APOL6: variants seen among roughly 807,000 people sequenced by gnomAD.
The protein encoded by APOL6 is apolipoprotein L6, also known as apolipoprotein L, 6.
APOL6 carries 1 observed loss-of-function variant against 2.4 expected under a neutral mutation model. The observed-to-expected ratio is 0.41, with a 90% CI of 0.15 to 1.94. The LOEUF is 1.94. Among genes scored for constraint, APOL6 ranks in the 30% most tolerant of loss-of-function variants. The pLI is 0.30. For synonymous variants in APOL6, 189 were observed against 169.3 expected, an observed-to-expected ratio of 1.12 and a Z score of -0.90; for missense variants, 438 against 429.2, an observed-to-expected ratio of 1.02 and a Z score of -0.18.
Position 35,658,987 on chromosome 22 carries a change from G to T in APOL6, c.423G>T (p.Arg141=), listed in dbSNP as rs1924930413. The T allele has an allele frequency of 1.2e-6, 2 of 1,613,800 alleles. No homozygotes were observed. Among genetic ancestry groups the T allele is most frequent in the African/African-American group, 1.3e-5 (1 of 74,924 alleles). ...CCAAAAATAAAGAAGCCCAAGCACG[G>T]GCGGAAGACATACTGCCCACCTACG... ...ERSKNKEAQA[R]AEDILPTYDQ... The change falls in exon 3 of 3, where the codon CGG becomes CGT. Residue 141 remains arginine, a synonymous_variant. Transcript: ENST00000409652.
At chr22:35,651,229 G>C (rs891252480) in intron 1 of APOL6, among the ~76,000 whole-genome samples, 6 of 152,158 alleles carry the variant, frequency 3.9e-5, no homozygotes, top group African/African-American at 1.2e-4. Flanking sequence ...AGTTCTGGAG[G>C]CTGGAAGTCA....
At chr22:35,658,483 A>G (rs992041065) in intron 2 of APOL6, 132 bp from the exon 3 acceptor site, 3 of 785,094 alleles carry the variant, frequency 3.8e-6, no homozygotes, top group Non-Finnish European at 6.0e-6. Context: ...ACAATGCTCT[A>G]GGACTTTTCA....
At chr22:35,649,813 C>A (rs1273993543) in intron 1 of APOL6, among the ~76,000 whole-genome samples, 1 of 152,184 alleles carries the variant, frequency 6.6e-6, no homozygotes, top group Non-Finnish European at 1.5e-5. Context: ...TTACCCCCAG[C>A]AACCTTGTCA....
At position 35,659,384 on chromosome 22, in the gene APOL6, A is replaced by T; in HGVS notation, c.820A>T (p.Lys274Ter). 6.2e-7 allele frequency: 1 copy of T among 1,614,200 alleles called. No homozygotes were observed. The highest frequency in any genetic ancestry group is 8.5e-7 in the Non-Finnish European group (1 of 1,180,036). ...RTKFAEELRA[K>*]ALELERKLTE... ...AAAGTTTGCGGAAGAGTTGAGAGCC[A>T]AGGCCTTGGAGCTGGAGAGGAAACT... Residue 274 changes from lysine (K) to a stop codon, truncating the protein, a stop_gained, in exon 3 of 3, where the codon AAG becomes TAG. Transcript: ENST00000409652. LOFTEE classifies it low-confidence loss of function (END_TRUNC).
rs1925124160 is a variant in APOL6 at position 35,664,708 on chromosome 22, A to G, written c.*5112A>G. On this transcript the variant is annotated 3_prime_UTR_variant, in exon 3 of 3. Transcript: ENST00000409652. ...TGGACATAATTTAGAATATAAAGTC[A>G]TATTAAATTAAATAATAGATAATTT... The G allele has an allele frequency of 6.6e-6, 1 of 152,158 alleles. No individual in the cohort carries two copies. The allele number at this position is 152,158 out of a possible 1,614,324, so 9.4% of individuals were successfully genotyped here.
chr22:35,656,960 T>C (rs1472800311), intron 2 of APOL6, among the ~76,000 whole-genome samples: 1 of 152,248 alleles, frequency 6.6e-6, no homozygotes, highest in Non-Finnish European at 1.5e-5. Flanking sequence ...ATGTGTAATA[T>C]GTCATGGAAC....
At chr22:35,657,176 C>G (rs574474857) in intron 2 of APOL6, among the ~76,000 whole-genome samples, 7 of 152,182 alleles carry the variant, frequency 4.6e-5, no homozygotes, top group Admixed American at 6.5e-5. Flanking sequence ...TATCTATTTG[C>G]TGTTTCTTTT....
chr22:35,659,066 G>A lies in APOL6; in HGVS notation c.502G>A (p.Gly168Arg), dbSNP rs1924934028. 1 of 1,613,978 alleles carries A rather than the reference G, an allele frequency of 6.2e-7. No homozygotes were observed. The highest frequency in any genetic ancestry group is 8.5e-7 in the Non-Finnish European group (1 of 1,180,028). Reference protein sequence around the residue: ...EEKADYVTAAGKIIYNLRNTL... With the variant: ...EEKADYVTAARKIIYNLRNTL... ...GAAGGCAGACTATGTCACAGCTGCT[G>A]GAAAGATTATCTATAATCTTAGAAA... Residue 168 changes from glycine to arginine, a missense_variant, in exon 3 of 3, where the codon GGA (glycine) becomes AGA (arginine). Coordinates refer to ENST00000409652, the MANE Select transcript of APOL6 (RefSeq NM_030641.4).
At chr22:35,658,424 T>G (rs1924905026) in intron 2 of APOL6, among the ~76,000 whole-genome samples, 191 bp from the exon 3 acceptor site, 1 of 152,192 alleles carries the variant, frequency 6.6e-6, no homozygotes, top group South Asian at 2.1e-4. Flanking sequence ...TCTTATGTGT[T>G]TCTTTTTTCC....
intron 2 of APOL6, among the ~76,000 whole-genome samples, chr22:35,658,192 C>T (rs1364072948): frequency 6.6e-6 from 1 of 152,150 alleles, no homozygotes; most frequent in East Asian, 1.9e-4. Context: ...CCCCTGCCCA[C>T]CACCTTGTCT....
chr22:35,653,236 CA>C (rs1257234510), intron 1 of APOL6, among the ~76,000 whole-genome samples: 1 of 151,800 alleles, frequency 6.6e-6, no homozygotes, highest in Non-Finnish European at 1.5e-5. Flanking sequence ...GTGATTTTTG[CA>C]CATTGATTTT....
chr22:35,665,863 C>A lies in APOL6; in HGVS notation c.*6267C>A, dbSNP rs1040287534. On this transcript the variant is annotated 3_prime_UTR_variant, in exon 3 of 3. Transcript: ENST00000409652. ...TTTTGTAATGTCAAGTGTTTTAAAC[C>A]TTTTGTATTTGACAAGCTTTCCAAA... is the stretch of plus-strand genomic sequence containing the variant. 6.6e-6 allele frequency: 1 copy of A among 152,078 alleles called. No homozygotes were observed. Among genetic ancestry groups the A allele is most frequent in the South Asian group, 2.1e-4 (1 of 4,824 alleles). The allele number at this position is 152,078 out of a possible 1,614,324, so 9.4% of individuals were successfully genotyped here.
intron 1 of APOL6, among the ~76,000 whole-genome samples, chr22:35,649,210 C>T (rs903883324): frequency 1.3e-5 from 2 of 151,944 alleles, no homozygotes; most frequent in East Asian, 1.9e-4. Context: ...CTAAGGCAAG[C>T]GGATTGCTTG....
intron 1 of APOL6, among the ~76,000 whole-genome samples, chr22:35,651,370 C>A (rs1924688538): frequency 6.6e-6 from 1 of 152,146 alleles, no homozygotes; most frequent in East Asian, 1.9e-4. Context: ...GCCTTCTTTG[C>A]TGTGTCTCTC....
Position 35,658,680 on chromosome 22 carries a change from A to G in APOL6, c.116A>G (p.Glu39Gly). ...ELQDGDLSPEEKIFLREFPRL... is the reference protein window; with the variant it reads ...ELQDGDLSPEGKIFLREFPRL... ...CAAGACGGAGATCTGTCCCCCGAAG[A>G]AAAAATATTTTTGAGAGAATTTCCC... The change falls in exon 3 of 3, where the codon GAA (glutamate) becomes GGA (glycine). Residue 39 changes from glutamate to glycine, a missense_variant. Glu to Gly is a moderately conservative substitution (Grantham distance 98). Coordinates refer to ENST00000409652, the MANE Select transcript of APOL6 (RefSeq NM_030641.4). 6.2e-7 allele frequency: 1 copy of G among 1,614,036 alleles called. No homozygotes were observed.
rs1470540049 is a variant in APOL6 at position 35,659,276 on chromosome 22, G to A, written c.712G>A (p.Gly238Ser). 1 of 1,614,184 alleles carries A rather than the reference G, an allele frequency of 6.2e-7. No homozygotes were observed. Among genetic ancestry groups the A allele is most frequent in the Admixed American group, 1.7e-5 (1 of 60,026 alleles). The change falls in exon 3 of 3, where the codon GGT (glycine) becomes AGT (serine). Residue 238 changes from glycine to serine, a missense_variant. By Grantham distance (56) the Gly-to-Ser change is moderately conservative (BLOSUM62 0). Transcript: ENST00000409652. ...GACCAAAAATGCTCGCGTGCTGGGA[G>A]GTGTGATGTCCGCCTTCTCCCTTGG... ...AMTKNARVLGGVMSAFSLGYD... is the reference protein window; with the variant it reads ...AMTKNARVLGSVMSAFSLGYD...
At position 35,664,336 on chromosome 22, in the gene APOL6, A is replaced by G. The variant is rs537548253; in HGVS notation, c.*4740A>G. ...ACAGCTGCATCTTGAATTTAGTAAG[A>G]TTACCATAACTTCTAATCCTGTGGC... is the stretch of plus-strand genomic sequence containing the variant. On this transcript the variant is annotated 3_prime_UTR_variant, in exon 3 of 3. Coordinates refer to ENST00000409652, the MANE Select transcript of APOL6 (RefSeq NM_030641.4). 36 of 152,344 alleles carry G rather than the reference A, an allele frequency of 2.4e-4. No individual in the cohort carries two copies. The South Asian group carries it at 5.8e-3, about 25-fold the overall frequency. 9.4% of individuals were successfully genotyped at this position (152,344 alleles called of 1,614,324 possible).
chr22:35,653,779 A>C (rs1030962141), intron 1 of APOL6, among the ~76,000 whole-genome samples: 3 of 152,202 alleles, frequency 2.0e-5, no homozygotes, highest in Non-Finnish European at 2.9e-5. Context: ...CAAACTTGGC[A>C]TCCTACAGTT....
intron 1 of APOL6, 80 bp downstream of exon 1, chr22:35,648,703 T>A (rs1175239193): frequency 2.0e-5 from 3 of 152,198 alleles, no homozygotes; most frequent in African/African-American, 7.2e-5. Flanking sequence ...AGGGGTTGGC[T>A]TTAGGCACCT....
Sources: allele counts gnomAD v4.1 joint callset (sites outside exome capture counted in the v4.1 genomes callset), GRCh38; gene constraint gnomAD v4.1.1; transcripts MANE v1.5; gene names NCBI Gene and HGNC (gene_info 2026-07-23, HGNC 2026-07-21).